The following PHF20 variants were observed in gnomAD, a reference collection of about 807,000 sequenced individuals.
PHF20 encodes PHD finger protein 20.
In PHF20, 23 loss-of-function variants were observed where a neutral mutation model predicts 113.5. The ratio of observed to expected loss-of-function variants is 0.20; its 90% CI spans 0.15 to 0.29. The LOEUF (loss-of-function observed/expected upper bound fraction) is 0.29, where lower values mean the gene tolerates loss of function less well. Ranked by LOEUF, PHF20 falls within the 10% of genes least tolerant of loss-of-function variation. The pLI is 1.00. For synonymous variants in PHF20, 434 were observed against 457.3 expected (o/e 0.95, Z 0.65); for missense variants, 943 against 1,219.6 (o/e 0.77, Z 3.38).
intron 2 of PHF20, among the ~76,000 whole-genome samples, chr20:35,817,967 T>C (rs940434614): frequency 1.3e-5 from 2 of 151,488 alleles, no homozygotes; most frequent in Non-Finnish European, 2.9e-5. Flanking sequence ...AAATTATATT[T>C]TTATAATTAA....
At chr20:35,946,795 C>T (rs916232325) in intron 17 of PHF20, among the ~76,000 whole-genome samples, 29 of 151,888 alleles carry the variant, frequency 1.9e-4, no homozygotes, top group African/African-American at 6.3e-4. Context: ...CTGCGACCTC[C>T]GCCTCCCGGG....
intron 14 of PHF20, among the ~76,000 whole-genome samples, chr20:35,929,760 C>T (rs1372218204): frequency 1.3e-5 from 2 of 152,266 alleles, no homozygotes; most frequent in African/African-American, 4.8e-5. Flanking sequence ...ATAGACTCTT[C>T]CTTGAACTGA....
intron 9 of PHF20, among the ~76,000 whole-genome samples, chr20:35,890,651 T>G (rs1476033649): frequency 6.6e-6 from 1 of 152,136 alleles, no homozygotes; most frequent in Admixed American, 6.6e-5. Context: ...GAAGCCGAAG[T>G]GGGCAGATCA....
At chr20:35,779,628 T>C (rs1360296691) in intron 1 of PHF20, among the ~76,000 whole-genome samples, 2 of 151,988 alleles carry the variant, frequency 1.3e-5, no homozygotes, top group South Asian at 2.1e-4. Context: ...CAAGCAATTC[T>C]CCTGCCTCAG....
chr20:35,784,215 G>A (rs1476290063), intron 1 of PHF20, among the ~76,000 whole-genome samples: 2 of 151,262 alleles, frequency 1.3e-5, no homozygotes, highest in East Asian at 2.0e-4. Flanking sequence ...CACCACGCCC[G>A]GCTAATTTTT....
intron 13 of PHF20, among the ~76,000 whole-genome samples, chr20:35,924,230 C>T (rs778201329): frequency 7.8e-6 from 1 of 128,760 alleles, no homozygotes; most frequent in African/African-American, 3.0e-5. Context: ...TTGCTCTTGT[C>T]GCCCAGGCTG....
intron 6 of PHF20, among the ~76,000 whole-genome samples, chr20:35,868,712 G>T (rs1412211560): frequency 6.6e-6 from 1 of 152,244 alleles, no homozygotes; most frequent in Non-Finnish European, 1.5e-5. Flanking sequence ...AGCTGGGTTT[G>T]CTGGGGACCA....
In PHF20 at chr20:35,869,546, A is replaced by G. The variant is rs2054380217; in HGVS notation, c.917A>G (p.Asn306Ser). The G allele has an allele frequency of 6.4e-7, 1 of 1,551,090 alleles. No individual in the cohort carries two copies. Among genetic ancestry groups the G allele is most frequent in the African/African-American group, 1.4e-5 (1 of 73,610 alleles). Residue 306 changes from asparagine to serine, a missense_variant, in exon 7 of 18, where the codon AAT (asparagine) becomes AGT (serine). Physicochemically the swap from Asn to Ser is conservative, Grantham distance 46. This residue lies in a region of PHF20 where 592 missense variants were observed against 787.2 expected (regional missense o/e 0.75). Transcript: ENST00000374012. ...TTAAAACGTCCTCGGCTTGACAAAA[A>G]TTCATGTGAGTCTACAGTTTGTTTA... ...VPLKRPRLDK[N>S]SSQEKSKNYS...
intron 9 of PHF20, 74 bp from the exon 10 acceptor site, chr20:35,899,296 C>G: frequency 5.6e-6 from 7 of 1,253,332 alleles, no homozygotes; most frequent in Non-Finnish European, 7.8e-6. Context: ...CCTCAGTTGT[C>G]ATGTGTTAAT....
intron 9 of PHF20, among the ~76,000 whole-genome samples, chr20:35,898,181 G>A (rs1011566143): frequency 2.0e-5 from 3 of 152,118 alleles, no homozygotes; most frequent in Non-Finnish European, 4.4e-5. Flanking sequence ...ACCAAATCTG[G>A]ATCCTTTTGA....
Position 35,868,458 on chromosome 20 carries a change from A to ATTT in PHF20, c.809-978_809-976dup, listed in dbSNP as rs112363613. ...CTATTAAAAATACAAAAAAAAAAAA[A>ATTT]TTTTGCTAGGTATGGCAGGTGCCTG... is the stretch of plus-strand genomic sequence containing the variant. On this transcript the variant is annotated intron_variant, in intron 6 of 17. Coordinates refer to ENST00000374012, the MANE Select transcript of PHF20 (RefSeq NM_016436.5). Among the ~76,000 whole-genome samples the ATTT allele has an allele frequency of 2.9e-3, 434 of 148,488 alleles. 1 individual carries two copies. Among genetic ancestry groups the ATTT allele is most frequent in the African/African-American group, 1.0e-2 (402 of 40,232 alleles).
At chr20:35,862,814 G>A (rs1159590514) in intron 5 of PHF20, among the ~76,000 whole-genome samples, 199 bp from the exon 6 acceptor site, 1 of 152,190 alleles carries the variant, frequency 6.6e-6, no homozygotes, top group African/African-American at 2.4e-5. Context: ...ACTGTCTCCG[G>A]AATAATTGAA....
chr20:35,897,172 T>C (rs1453682748), intron 9 of PHF20, among the ~76,000 whole-genome samples: 1 of 152,168 alleles, frequency 6.6e-6, no homozygotes, highest in Non-Finnish European at 1.5e-5. Flanking sequence ...TAGCTGGGAC[T>C]ATAGGCACAT....
At chr20:35,945,219 T>A (rs983750618) in intron 17 of PHF20, among the ~76,000 whole-genome samples, 2 of 152,088 alleles carry the variant, frequency 1.3e-5, no homozygotes, top group Non-Finnish European at 2.9e-5. Context: ...TCTCGCTGTG[T>A]TTGTTGCAGG....
At chr20:35,941,247 A>G (rs976845662) in intron 17 of PHF20, among the ~76,000 whole-genome samples, 200 bp downstream of exon 17, 10 of 152,184 alleles carry the variant, frequency 6.6e-5, no homozygotes, top group African/African-American at 2.4e-4. Flanking sequence ...CAAGATCTGC[A>G]TGATGTTGGG....
At chr20:35,817,105 GT>G (rs1480013255) in intron 2 of PHF20, among the ~76,000 whole-genome samples, 2 of 147,282 alleles carry the variant, frequency 1.4e-5, no homozygotes, top group East Asian at 2.0e-4. Context: ...TGTTGTTGTT[GT>G]TTTTTTTTAA....
Position 35,948,368 on chromosome 20 carries a change from AG to A in PHF20, c.*743del, listed in dbSNP as rs1170291406. 9 of 152,674 alleles carry A rather than the reference AG, an allele frequency of 5.9e-5. No individual in the cohort carries two copies. The highest frequency in any genetic ancestry group is 2.2e-4 in the African/African-American group (9 of 41,460). The allele number at this position is 152,674 out of a possible 1,614,324, so 9.5% of individuals were successfully genotyped here. A position where few individuals can be genotyped will look rare whatever the true frequency, so the allele number is the denominator to read the frequency against. On this transcript the variant is annotated 3_prime_UTR_variant, in exon 18 of 18. Transcript: ENST00000374012. ...GAAGCAGGCAGGGTCTGGAACCCAA[AG>A]GACAGCATTTTCTACCCACTTCTTA...
intron 9 of PHF20, chr20:35,878,447 C>T (rs1440055247): frequency 1.9e-6 from 1 of 527,284 alleles, no homozygotes; most frequent in African/African-American, 2.0e-5. Flanking sequence ...ATTGTTTAAG[C>T]AATCACTATG....
chr20:35,925,159 C>T (rs894716103), intron 13 of PHF20, among the ~76,000 whole-genome samples: 2 of 151,534 alleles, frequency 1.3e-5, no homozygotes, highest in Admixed American at 6.6e-5. Context: ...TCTGGTATGG[C>T]TAGTGTCTCC....
Sources: gnomAD v4.1 joint callset for allele counts (sites outside exome capture counted in the v4.1 genomes callset) on GRCh38, gnomAD v4.1.1 for gene constraint, gnomAD v4.1.1 regional missense constraint, MANE v1.5 for transcripts, NCBI Gene and HGNC (gene_info 2026-07-23, HGNC 2026-07-21) for gene names.